EIF3H: variants seen among roughly 807,000 people sequenced by gnomAD.
The protein encoded by EIF3H is eukaryotic translation initiation factor 3 subunit H.
A neutral mutation model predicts 44.2 loss-of-function variants in EIF3H; 26 were observed. The ratio of observed to expected loss-of-function variants is 0.59; its 90% CI spans 0.43 to 0.82. The LOEUF (loss-of-function observed/expected upper bound fraction) is 0.82, where lower values mean the gene tolerates loss of function less well. Among genes scored for constraint, EIF3H ranks in the 40% least tolerant of loss-of-function variants. The pLI is 0.00. For synonymous variants in EIF3H, 166 were observed against 151.9 expected (o/e 1.09, Z -0.68); for missense variants, 359 against 432.8 (o/e 0.83, Z 1.51).
chr8:116,740,579 C>T (rs1012391504), intron 1 of EIF3H, among the ~76,000 whole-genome samples: 6 of 152,042 alleles, frequency 3.9e-5, no homozygotes, highest in African/African-American at 1.2e-4. Context: ...TGAGTAAGCC[C>T]AGATGAAACC....
At chr8:116,700,263 G>A (rs1468111778) in intron 2 of EIF3H, among the ~76,000 whole-genome samples, 1 of 152,208 alleles carries the variant, frequency 6.6e-6, no homozygotes, top group Admixed American at 6.5e-5. Context: ...CAACCTTCTT[G>A]GGATGGTGGC....
chr8:116,722,529 A>C (rs567354912), intron 2 of EIF3H, among the ~76,000 whole-genome samples: 23 of 152,144 alleles, frequency 1.5e-4, no homozygotes, highest in Non-Finnish European at 2.9e-4. Flanking sequence ...TTTGGTGTTT[A>C]TTATTCTCAT....
intron 2 of EIF3H, among the ~76,000 whole-genome samples, chr8:116,673,689 T>C (rs574407443): frequency 6.6e-6 from 1 of 152,294 alleles, no homozygotes; most frequent in Admixed American, 6.5e-5. Context: ...CGAAGATTCA[T>C]GCAAGCATCT....
chr8:116,751,424 T>C (rs1474280156), intron 1 of EIF3H, among the ~76,000 whole-genome samples: 2 of 152,102 alleles, frequency 1.3e-5, no homozygotes, highest in Non-Finnish European at 2.9e-5. Context: ...AAAAGCATAG[T>C]CCCTGCCCTC....
intron 1 of EIF3H, among the ~76,000 whole-genome samples, chr8:116,747,979 C>T (rs748306880): frequency 1.3e-5 from 2 of 151,946 alleles, no homozygotes; most frequent in Non-Finnish European, 1.5e-5. Flanking sequence ...GGCGTGGTGG[C>T]GCATGCCTGT....
chr8:116,705,310 A>C (rs932329070), intron 2 of EIF3H, among the ~76,000 whole-genome samples: 11 of 152,344 alleles, frequency 7.2e-5, no homozygotes, highest in African/African-American at 2.6e-4. Flanking sequence ...AAGCTGTTCA[A>C]GTTGTTTTAT....
intron 1 of EIF3H, among the ~76,000 whole-genome samples, chr8:116,752,681 AAAG>A (rs1815362738): frequency 1.1e-5 from 1 of 94,444 alleles, no homozygotes; most frequent in African/African-American, 3.9e-5. Context: ...AGAAAGAAAG[AAAG>A]AAAGAAAGAA....
At chr8:116,706,358 GT>G (rs1423659887) in intron 2 of EIF3H, among the ~76,000 whole-genome samples, 1 of 152,050 alleles carries the variant, frequency 6.6e-6, no homozygotes, top group Non-Finnish European at 1.5e-5. Context: ...TTAGCACTTG[GT>G]TTTCCTCGTC....
chr8:116,714,111 C>A (rs1053940258), intron 2 of EIF3H, among the ~76,000 whole-genome samples: 20 of 152,048 alleles, frequency 1.3e-4, no homozygotes, highest in African/African-American at 4.8e-4. Flanking sequence ...TTCAAGGAAT[C>A]TGAACAATAA....
chr8:116,751,535 A>G (rs1273164246), intron 1 of EIF3H, among the ~76,000 whole-genome samples: 2 of 152,206 alleles, frequency 1.3e-5, no homozygotes, highest in East Asian at 1.9e-4. Flanking sequence ...ATGGAAAGTA[A>G]GGAGAAGAAC....
chr8:116,731,730 T>A (rs1814953171), intron 1 of EIF3H, among the ~76,000 whole-genome samples: 1 of 152,198 alleles, frequency 6.6e-6, no homozygotes, highest in South Asian at 2.1e-4. Context: ...ACAGTAAGAC[T>A]TACACCTTAG....
chr8:116,756,036 C>T (rs1462421635), upstream of EIF3H: 8 of 1,530,686 alleles, frequency 5.2e-6, no homozygotes, highest in Non-Finnish European at 7.0e-6. Flanking sequence ...TGAAAGTAAA[C>T]TTTTTAAATG....
At chr8:116,661,918 TC>T (rs1426393558) in intron 2 of EIF3H, among the ~76,000 whole-genome samples, 1 of 152,200 alleles carries the variant, frequency 6.6e-6, no homozygotes, top group African/African-American at 2.4e-5. Context: ...ATACCACTCC[TC>T]CAACATATTT....
chr8:116,708,248 C>T (rs1814505757), intron 2 of EIF3H, among the ~76,000 whole-genome samples: 1 of 151,922 alleles, frequency 6.6e-6, no homozygotes, highest in Non-Finnish European at 1.5e-5. Context: ...ATAATGGGCA[C>T]ATGAATAAAA....
intron 2 of EIF3H, among the ~76,000 whole-genome samples, chr8:116,665,276 A>G (rs1341599382): frequency 1.3e-5 from 2 of 152,360 alleles, no homozygotes; most frequent in Non-Finnish European, 2.9e-5. Context: ...AAATGCCTGT[A>G]AAATTTTAAG....
intron 2 of EIF3H, among the ~76,000 whole-genome samples, chr8:116,684,883 T>C (rs1814048070): frequency 6.6e-6 from 1 of 152,226 alleles, no homozygotes; most frequent in Non-Finnish European, 1.5e-5. Context: ...GAAACTCATA[T>C]CTGCTTCAAA....
Position 116,644,896 on chromosome 8 carries a change from A to G in EIF3H, c.*110T>C. On this transcript the variant is annotated 3_prime_UTR_variant, in exon 8 of 8. Coordinates refer to ENST00000521861, the MANE Select transcript of EIF3H (RefSeq NM_003756.3). ...TGTTATAGCCAAAATCGGCAATGACACTAAAGAAATCCTCTGTGCTTTTCA... is the reference window on the plus strand; with the variant it reads ...TGTTATAGCCAAAATCGGCAATGACGCTAAAGAAATCCTCTGTGCTTTTCA... 2 of 843,370 alleles carry G rather than the reference A, an allele frequency of 2.4e-6. No individual in the cohort carries two copies. Among genetic ancestry groups the G allele is most frequent in the Non-Finnish European group, 3.7e-6 (2 of 538,332 alleles). The allele number at this position is 843,370 out of a possible 1,614,324, so 52.2% of individuals were successfully genotyped here.
At chr8:116,666,556 T>C (rs1813669976) in intron 2 of EIF3H, among the ~76,000 whole-genome samples, 1 of 151,916 alleles carries the variant, frequency 6.6e-6, no homozygotes, top group South Asian at 2.1e-4. Context: ...CACATACACA[T>C]AGTGGAAGAT....
chr8:116,741,314 A>T (rs1815128732), intron 1 of EIF3H, among the ~76,000 whole-genome samples: 1 of 152,144 alleles, frequency 6.6e-6, no homozygotes, highest in Admixed American at 6.5e-5. Context: ...AACTGATGCC[A>T]AACTTCCATT....
Sources: gnomAD v4.1 joint callset for allele counts (sites outside exome capture counted in the v4.1 genomes callset) on GRCh38, gnomAD v4.1.1 for gene constraint, MANE v1.5 for transcripts, NCBI Gene and HGNC (gene_info 2026-07-23, HGNC 2026-07-21) for gene names.